ADGRG7: variants seen among roughly 807,000 people sequenced by gnomAD.
ADGRG7 encodes the protein G-protein coupled receptor 128.
A neutral mutation model predicts 88.6 loss-of-function variants in ADGRG7; 82 were observed. The observed-to-expected ratio is 0.93, with a 90% CI of 0.77 to 1.11. The LOEUF is 1.11. ADGRG7 is among the 50% of genes most tolerant of loss of function. The pLI is 0.00. For missense variants in ADGRG7, 945 were observed against 953.4 expected (o/e 0.99, Z 0.12); for synonymous variants, 381 against 345.2 (o/e 1.10, Z -1.15).
intron 1 of ADGRG7, among the ~76,000 whole-genome samples, chr3:100,611,279 C>CCTTCCTTCCTTTCTTT (rs1559666843): frequency 6.1e-4 from 88 of 143,710 alleles, no homozygotes; most frequent in African/African-American, 2.1e-3. Flanking sequence ...TTCCTTCCTT[C>CCTTCCTTCCTTTCTTT]CTTCCTTCCT....
intron 6 of ADGRG7, among the ~76,000 whole-genome samples, chr3:100,642,760 G>A (rs1468095959): frequency 2.0e-5 from 3 of 152,210 alleles, no homozygotes; most frequent in Admixed American, 6.5e-5. Context: ...TCATAGCTGA[G>A]GCAATGAGCT....
At chr3:100,658,944 G>T (rs1172403935) in intron 13 of ADGRG7, among the ~76,000 whole-genome samples, 1 of 150,394 alleles carries the variant, frequency 6.6e-6, no homozygotes, top group Non-Finnish European at 1.5e-5. Context: ...TTTATTAAAT[G>T]AATTAATTAA....
intron 15 of ADGRG7, among the ~76,000 whole-genome samples, chr3:100,691,092 G>A (rs534578440): frequency 7.9e-5 from 12 of 152,300 alleles, no homozygotes; most frequent in East Asian, 3.9e-4. Flanking sequence ...CCTTGCTGCC[G>A]CCTTGCAGTT....
intron 8 of ADGRG7, among the ~76,000 whole-genome samples, chr3:100,644,925 A>C (rs1261321896): frequency 3.3e-5 from 5 of 152,172 alleles, no homozygotes; most frequent in African/African-American, 1.2e-4. Flanking sequence ...CAATTTGGTG[A>C]TGTCAATGTA....
intron 14 of ADGRG7, among the ~76,000 whole-genome samples, chr3:100,664,294 G>A (rs141199132): frequency 5.3e-4 from 81 of 152,182 alleles, no homozygotes; most frequent in African/African-American, 1.9e-3. Flanking sequence ...ATTAAGCGGT[G>A]CTTTATAAAT....
chr3:100,626,470 C>T (rs772644441), intron 1 of ADGRG7, among the ~76,000 whole-genome samples: 11 of 152,100 alleles, frequency 7.2e-5, no homozygotes, highest in African/African-American at 1.2e-4. Flanking sequence ...TATATATCTC[C>T]ATTTATTTAG....
chr3:100,652,978 T>C (rs542493981), intron 11 of ADGRG7, among the ~76,000 whole-genome samples: 31 of 152,314 alleles, frequency 2.0e-4, no homozygotes, highest in African/African-American at 6.3e-4. Flanking sequence ...AATAAAGGGA[T>C]AGTCCTTCGG....
chr3:100,629,430 G>A (rs574790127), intron 1 of ADGRG7, among the ~76,000 whole-genome samples, 168 bp from the exon 2 acceptor site: 1 of 151,900 alleles, frequency 6.6e-6, no homozygotes, highest in Admixed American at 6.6e-5. Flanking sequence ...TGTACATCTA[G>A]TGTAGATTCT....
intron 1 of ADGRG7, among the ~76,000 whole-genome samples, chr3:100,616,830 A>G (rs1050075004): frequency 6.6e-6 from 1 of 152,138 alleles, no homozygotes; most frequent in Non-Finnish European, 1.5e-5. Flanking sequence ...CTACAAAACA[A>G]ACAAATAAAG....
chr3:100,685,243 T>C (rs988840913), intron 15 of ADGRG7, among the ~76,000 whole-genome samples: 4 of 152,220 alleles, frequency 2.6e-5, no homozygotes, highest in Non-Finnish European at 4.4e-5. Context: ...AACTACAAAT[T>C]AGTTTGGCAT....
intron 11 of ADGRG7, among the ~76,000 whole-genome samples, chr3:100,652,346 G>A (rs1029288096): frequency 2.6e-5 from 4 of 152,088 alleles, no homozygotes; most frequent in Non-Finnish European, 5.9e-5. Context: ...AATACATAAT[G>A]GGCAAATAGA....
intron 15 of ADGRG7, among the ~76,000 whole-genome samples, chr3:100,691,491 C>A (rs568004744): frequency 6.6e-6 from 1 of 152,164 alleles, no homozygotes; most frequent in South Asian, 2.1e-4. Flanking sequence ...TGTTCCTATT[C>A]GGCCATCTTG....
intron 11 of ADGRG7, among the ~76,000 whole-genome samples, chr3:100,653,942 C>G (rs1162530854): frequency 6.6e-6 from 1 of 152,100 alleles, no homozygotes; most frequent in Admixed American, 6.5e-5. Flanking sequence ...AAAGGTTAGG[C>G]TCGCAGACAC....
At chr3:100,612,719 C>G (rs1307072532) in intron 1 of ADGRG7, among the ~76,000 whole-genome samples, 2 of 152,182 alleles carry the variant, frequency 1.3e-5, no homozygotes, top group Non-Finnish European at 2.9e-5. Context: ...ATTTCCTGCT[C>G]TTTGCCACCA....
chr3:100,622,771 C>CT (rs1271498464), intron 1 of ADGRG7, among the ~76,000 whole-genome samples: 3 of 150,768 alleles, frequency 2.0e-5, no homozygotes, highest in East Asian at 2.0e-4. Flanking sequence ...CTTTTTTTTC[C>CT]TTTTTTTTGA....
intron 1 of ADGRG7, among the ~76,000 whole-genome samples, chr3:100,612,758 T>C (rs985868863): frequency 1.3e-5 from 2 of 152,216 alleles, no homozygotes; most frequent in East Asian, 3.8e-4. Flanking sequence ...TCCCCGCTTA[T>C]CTCCAGATAT....
intron 4 of ADGRG7, 72 bp downstream of exon 4, chr3:100,633,449 C>T (rs1707485232): frequency 1.4e-6 from 1 of 696,294 alleles, no homozygotes; most frequent in Admixed American, 3.1e-5. Flanking sequence ...TCTTCAGATA[C>T]CTGATGGTCA....
chr3:100,676,358 C>A (rs1218199339), intron 15 of ADGRG7, among the ~76,000 whole-genome samples: 1 of 152,008 alleles, frequency 6.6e-6, no homozygotes, highest in African/African-American at 2.4e-5. Context: ...TTTCTTGACT[C>A]ACCGGTAATT....
intron 15 of ADGRG7, 100 bp downstream of exon 15, chr3:100,669,205 G>T: frequency 1.0e-6 from 1 of 993,800 alleles, no homozygotes; most frequent in African/African-American, 1.7e-5. Context: ...AAAAAATCTA[G>T]GCCAGGCGCG....
Sources: allele counts gnomAD v4.1 joint callset (sites outside exome capture counted in the v4.1 genomes callset), GRCh38; gene constraint gnomAD v4.1.1; transcripts MANE v1.5; gene names NCBI Gene and HGNC (gene_info 2026-07-23, HGNC 2026-07-21).